Variants in PRORP observed in about 807,000 individuals in gnomAD.
PRORP encodes the protein protein only RNase P catalytic subunit.
A neutral mutation model predicts 59.4 loss-of-function variants in PRORP; 51 were observed. That is an observed-to-expected ratio of 0.86 (90% confidence interval 0.69 to 1.08). The LOEUF is 1.08. Ranked by LOEUF, PRORP falls within the 50% of genes least tolerant of loss-of-function variation. PRORP has a pLI of 0.00. For missense variants in PRORP, 646 were observed against 690.3 expected (o/e 0.94, Z 0.72); for synonymous variants, 231 against 245.6 (o/e 0.94, Z 0.55).
At chr14:35,152,582 G>C (rs2047791017) in intron 4 of PRORP, among the ~76,000 whole-genome samples, 1 of 151,914 alleles carries the variant, frequency 6.6e-6, no homozygotes, top group South Asian at 2.1e-4. Flanking sequence ...CTCCCGGACG[G>C]GGCGGCTGGC....
chr14:35,130,779 C>G (rs781148610), intron 4 of PRORP, among the ~76,000 whole-genome samples: 16 of 151,802 alleles, frequency 1.1e-4, no homozygotes, highest in Non-Finnish European at 2.2e-4. Flanking sequence ...CTACTGCACC[C>G]GGCCTATGTC....
At chr14:35,180,347 A>T (rs575020573) in intron 4 of PRORP, among the ~76,000 whole-genome samples, 1 of 152,272 alleles carries the variant, frequency 6.6e-6, no homozygotes, top group Admixed American at 6.5e-5. Context: ...GTTCATTCTT[A>T]TCATAACTAT....
rs113241220 is a variant in PRORP, at chr14:35,227,305, G to A, written c.1276-39422G>A. Among the ~76,000 whole-genome samples the A allele has an allele frequency of 9.9e-4, 150 of 151,830 alleles. 1 individual carries two copies. The highest frequency in any genetic ancestry group is 6.6e-4 in the Admixed American group (10 of 15,240). ...AAAAATACAAAAAATTTAGTCGGGC[G>A]TGGTGGCAGGCGCCTGTAGTCCCAG... is the stretch of plus-strand genomic sequence containing the variant. On this transcript the variant is annotated intron_variant, in intron 5 of 7. Coordinates refer to ENST00000534898, the MANE Select transcript of PRORP (RefSeq NM_014672.4).
chr14:35,130,268 A>G (rs1428749136), intron 4 of PRORP, among the ~76,000 whole-genome samples: 1 of 151,322 alleles, frequency 6.6e-6, no homozygotes, highest in African/African-American at 2.5e-5. Context: ...TCCTGACCTC[A>G]TGATTTGCCC....
intron 5 of PRORP, chr14:35,222,076 T>A (rs983200612): frequency 6.6e-6 from 1 of 151,688 alleles, no homozygotes; most frequent in Non-Finnish European, 1.5e-5. Context: ...AATATTATAT[T>A]CACCTCTCCA....
intron 5 of PRORP, among the ~76,000 whole-genome samples, chr14:35,216,117 T>TATATATA (rs1190224800): frequency 6.8e-6 from 1 of 147,888 alleles, no homozygotes; most frequent in Non-Finnish European, 1.5e-5. Context: ...TATTTATATT[T>TATATATA]ATATATAATA....
intron 5 of PRORP, among the ~76,000 whole-genome samples, chr14:35,242,532 C>T (rs186381487): frequency 8.5e-5 from 13 of 152,272 alleles, no homozygotes; most frequent in South Asian, 8.3e-4. Flanking sequence ...TTCTATTCCC[C>T]AGAAGAGACC....
intron 5 of PRORP, among the ~76,000 whole-genome samples, chr14:35,233,225 T>A (rs987905734): frequency 2.7e-5 from 4 of 150,134 alleles, no homozygotes; most frequent in Non-Finnish European, 5.9e-5. Context: ...CTCATGGAGC[T>A]AACATTGTTT....
At chr14:35,250,390 G>C (rs2050586421) in intron 5 of PRORP, among the ~76,000 whole-genome samples, 2 of 152,102 alleles carry the variant, frequency 1.3e-5, no homozygotes, top group African/African-American at 2.4e-5. Context: ...TTCTACATCA[G>C]GTCCTTTAGA....
intron 5 of PRORP, among the ~76,000 whole-genome samples, chr14:35,256,236 A>C (rs1167177513): frequency 1.5e-5 from 2 of 134,262 alleles, no homozygotes; most frequent in Non-Finnish European, 3.1e-5. Flanking sequence ...GTGAGCTGAG[A>C]TTGCACCACC....
At chr14:35,136,698 G>A (rs2047384379) in intron 4 of PRORP, among the ~76,000 whole-genome samples, 1 of 145,336 alleles carries the variant, frequency 6.9e-6, no homozygotes, top group African/African-American at 2.4e-5. Flanking sequence ...AATGTCAGCA[G>A]AAGATCCAGG....
chr14:35,247,006 A>G (rs1018698214), intron 5 of PRORP, among the ~76,000 whole-genome samples: 4 of 152,136 alleles, frequency 2.6e-5, no homozygotes, highest in Non-Finnish European at 5.9e-5. Flanking sequence ...ATCTAAAGTA[A>G]CCCTCATAAT....
chr14:35,225,555 C>T (rs1392597049), intron 5 of PRORP, among the ~76,000 whole-genome samples: 1 of 152,050 alleles, frequency 6.6e-6, no homozygotes, highest in Non-Finnish European at 1.5e-5. Context: ...CCATGGTGAC[C>T]AGGCTGGTCT....
chr14:35,234,508 A>G (rs1213922474), intron 5 of PRORP, among the ~76,000 whole-genome samples: 6 of 152,052 alleles, frequency 3.9e-5, no homozygotes, highest in African/African-American at 1.4e-4. Context: ...GCAGTAAGAC[A>G]CTCTTTCAAA....
At chr14:35,176,832 G>T (rs548078278) in intron 4 of PRORP, among the ~76,000 whole-genome samples, 1 of 152,246 alleles carries the variant, frequency 6.6e-6, no homozygotes, top group Non-Finnish European at 1.5e-5. Context: ...TTTTCAAAGG[G>T]AATGCTTCCA....
At chr14:35,162,736 C>G (rs991615673) in intron 4 of PRORP, among the ~76,000 whole-genome samples, 3 of 151,844 alleles carry the variant, frequency 2.0e-5, no homozygotes, top group African/African-American at 7.3e-5. Flanking sequence ...CCAACAAACA[C>G]AAAAAACTTC....
chr14:35,137,656 G>C (rs1054509002), intron 4 of PRORP, among the ~76,000 whole-genome samples: 1 of 145,492 alleles, frequency 6.9e-6, no homozygotes, highest in African/African-American at 2.4e-5. Flanking sequence ...CTGTGTGATT[G>C]TGTGATTTAA....
intron 5 of PRORP, 72 bp downstream of exon 5, chr14:35,180,849 G>T: frequency 2.0e-6 from 2 of 1,004,428 alleles, no homozygotes; most frequent in Admixed American, 4.3e-5. Context: ...GACCTTCTTG[G>T]GGCTCTTAGC....
intron 4 of PRORP, among the ~76,000 whole-genome samples, chr14:35,134,775 C>T (rs2047332437): frequency 6.6e-6 from 1 of 152,170 alleles, no homozygotes; most frequent in African/African-American, 2.4e-5. Flanking sequence ...GGCACCAGTA[C>T]TCCCCTAGCT....
Sources: gnomAD v4.1 joint callset for allele counts (sites outside exome capture counted in the v4.1 genomes callset) on GRCh38, gnomAD v4.1.1 for gene constraint, MANE v1.5 for transcripts, NCBI Gene and HGNC (gene_info 2026-07-23, HGNC 2026-07-21) for gene names.